Variants in TMEM217B observed in about 807,000 individuals in gnomAD.
The protein encoded by TMEM217B is transmembrane protein 217B, also known as putative transmembrane protein 217B.
At chr6:37,228,085 G>A in the TMEM217B span, among the ~76,000 whole-genome samples, 3 of 152,176 alleles carry the variant, frequency 2.0e-5, no homozygotes, top group Admixed American at 6.5e-5. Flanking sequence ...CAAATAAATG[G>A]GTGAGGTTGA....
chr6:37,227,454 T>A, the TMEM217B span, among the ~76,000 whole-genome samples: 1 of 152,230 alleles, frequency 6.6e-6, no homozygotes, highest in Non-Finnish European at 1.5e-5. Flanking sequence ...TTTTGTTTTT[T>A]GTTTTTGTTT....
At chr6:37,218,423 T>C in the TMEM217B span, 2 of 1,593,130 alleles carry the variant, frequency 1.3e-6, no homozygotes, top group Non-Finnish European at 1.7e-6. Context: ...GCGATCCACC[T>C]ACCTCTGCCT....
chr6:37,221,594 C>A, the TMEM217B span, among the ~76,000 whole-genome samples: 7 of 152,066 alleles, frequency 4.6e-5, no homozygotes. Context: ...TTGATTACTG[C>A]ATTAAAATAA....
the TMEM217B span, among the ~76,000 whole-genome samples, chr6:37,253,407 A>AC: frequency 1.3e-5 from 2 of 151,878 alleles, no homozygotes; most frequent in South Asian, 4.2e-4. Flanking sequence ...TTTTCCCTTC[A>AC]CCCCCCAAAT....
chr6:37,220,279 T>TATTTGCCA, the TMEM217B span, among the ~76,000 whole-genome samples: 1 of 152,224 alleles, frequency 6.6e-6, no homozygotes, highest in Admixed American at 6.5e-5. Context: ...GCTCTGAAGT[T>TATTTGCCA]ATTTGCCAAT....
At chr6:37,238,166 T>TG in the TMEM217B span, among the ~76,000 whole-genome samples, 2 of 42,668 alleles carry the variant, frequency 4.7e-5, no homozygotes, top group Admixed American at 3.4e-4. Context: ...TTAAAAACAC[T>TG]GAAAAAAAAA....
chr6:37,252,499 CAT>C, the TMEM217B span, among the ~76,000 whole-genome samples: 38 of 150,792 alleles, frequency 2.5e-4, no homozygotes, highest in African/African-American at 7.3e-4. Flanking sequence ...TACATGTATG[CAT>C]ATATATATGC....
the TMEM217B span, among the ~76,000 whole-genome samples, chr6:37,234,258 C>A: frequency 1.3e-5 from 2 of 152,068 alleles, no homozygotes; most frequent in African/African-American, 4.8e-5. Context: ...CGCCACCACA[C>A]CCAGCTAACT....
chr6:37,237,377 A>ACC, the TMEM217B span, among the ~76,000 whole-genome samples: 1 of 152,144 alleles, frequency 6.6e-6, no homozygotes, highest in Admixed American at 6.5e-5. Context: ...GTGCACCAAG[A>ACC]CCCCATCAAG....
the TMEM217B span, among the ~76,000 whole-genome samples, chr6:37,236,772 CAG>C: frequency 3.3e-5 from 5 of 152,118 alleles, no homozygotes; most frequent in Non-Finnish European, 7.4e-5. Context: ...GGACTTCAGA[CAG>C]AGCACAGTTA....
At chr6:37,252,168 C>G in the TMEM217B span, among the ~76,000 whole-genome samples, 8 of 152,362 alleles carry the variant, frequency 5.3e-5, no homozygotes, top group East Asian at 1.3e-3. Flanking sequence ...GCTGGGATTA[C>G]AGGCGTGAGC....
chr6:37,252,617 GTA>G, the TMEM217B span, among the ~76,000 whole-genome samples: 21 of 112,306 alleles, frequency 1.9e-4, no homozygotes, highest in Non-Finnish European at 2.0e-4. Context: ...GTATGTGTGT[GTA>G]TATATATATA....
At chr6:37,212,628 G>A in the TMEM217B span, 2 of 519,542 alleles carry the variant, frequency 3.8e-6, no homozygotes, top group Non-Finnish European at 7.5e-6. Flanking sequence ...GCGTCTTGAA[G>A]TGATCTTTGA....
the TMEM217B span, among the ~76,000 whole-genome samples, chr6:37,227,154 T>C: frequency 2.0e-5 from 3 of 152,266 alleles, no homozygotes; most frequent in African/African-American, 4.8e-5. Flanking sequence ...GTTTCAGGGA[T>C]TTTTGAATCC....
chr6:37,253,994 T>G, the TMEM217B span, among the ~76,000 whole-genome samples: 1 of 152,122 alleles, frequency 6.6e-6, no homozygotes, highest in East Asian at 1.9e-4. Flanking sequence ...GAAGATGAAG[T>G]TGAGGGGGGG....
the TMEM217B span, among the ~76,000 whole-genome samples, chr6:37,243,526 G>C: frequency 3.3e-5 from 5 of 152,176 alleles, no homozygotes; most frequent in African/African-American, 1.2e-4. Flanking sequence ...TTGATATGAG[G>C]CTGGCCATAT....
chr6:37,248,525 C>A, the TMEM217B span, among the ~76,000 whole-genome samples: 1 of 152,178 alleles, frequency 6.6e-6, no homozygotes, highest in South Asian at 2.1e-4. Flanking sequence ...ACTTCTCTTA[C>A]ATTAAAGGAG....
At chr6:37,248,070 T>C in the TMEM217B span, among the ~76,000 whole-genome samples, 1 of 152,172 alleles carries the variant, frequency 6.6e-6, no homozygotes, top group Non-Finnish European at 1.5e-5. Flanking sequence ...TCCCTGCCTC[T>C]TTACCTAGTA....
chr6:37,226,313 GAC>G, the TMEM217B span, among the ~76,000 whole-genome samples: 1 of 65,288 alleles, frequency 1.5e-5, no homozygotes, highest in African/African-American at 6.2e-5. Flanking sequence ...TTTTTTTTGA[GAC>G]AGAGTCTCGC....
Sources: allele counts gnomAD v4.1 joint callset (sites outside exome capture counted in the v4.1 genomes callset), GRCh38; gene constraint gnomAD v4.1.1; transcripts MANE v1.5; gene names NCBI Gene and HGNC (gene_info 2026-07-23, HGNC 2026-07-21).